BRD9: variants seen among roughly 807,000 people sequenced by gnomAD.
BRD9 encodes the protein bromodomain-containing protein 9.
BRD9 carries 47 observed loss-of-function variants against 68.7 expected under a neutral mutation model. The ratio of observed to expected loss-of-function variants is 0.68; its 90% confidence interval spans 0.54 to 0.87. The LOEUF (loss-of-function observed/expected upper bound fraction) is 0.87, where lower values mean the gene tolerates loss of function less well. BRD9 is among the 40% of genes least tolerant of loss of function. The probability of loss-of-function intolerance (pLI) is 0.00; values close to 1 mark genes in which losing one functional copy is unlikely to be tolerated. For missense variants in BRD9, 670 were observed against 748.4 expected, an observed-to-expected ratio of 0.90 and a Z score of 1.22; for synonymous variants, 313 against 293.9, an observed-to-expected ratio of 1.06 and a Z score of -0.67.
intron 14 of BRD9, chr5:869,530 C>T (rs1419912337): frequency 5.8e-6 from 2 of 345,836 alleles, no homozygotes; most frequent in Non-Finnish European, 1.1e-5. Flanking sequence ...TCTTCCTGAC[C>T]CAACAGAGAT....
At chr5:880,916 C>T (rs1362842093) in intron 9 of BRD9, among the ~76,000 whole-genome samples, 191 bp downstream of exon 9, 7 of 152,260 alleles carry the variant, frequency 4.6e-5, no homozygotes, top group African/African-American at 1.2e-4. Flanking sequence ...CCAGCACCCC[C>T]GCCCCGCGAG....
intron 11 of BRD9, among the ~76,000 whole-genome samples, chr5:877,695 A>G (rs1488323620): frequency 6.6e-6 from 1 of 152,204 alleles, no homozygotes; most frequent in Non-Finnish European, 1.5e-5. Context: ...CCATGGCCTG[A>G]ATTGTATCTC....
chr5:877,647 C>T (rs1751148803), intron 11 of BRD9, among the ~76,000 whole-genome samples: 1 of 152,286 alleles, frequency 6.6e-6, no homozygotes, highest in South Asian at 2.1e-4. Flanking sequence ...GAAAAGCAGG[C>T]TGCTACATTT....
chr5:871,492 T>C, intron 13 of BRD9, 34 bp downstream of exon 13: 2 of 1,603,436 alleles, frequency 1.2e-6, no homozygotes, highest in Non-Finnish European at 1.7e-6. Flanking sequence ...GTGAGAATAA[T>C]ATTTGGCTTG....
intron 14 of BRD9, among the ~76,000 whole-genome samples, chr5:867,880 G>A (rs1357700377): frequency 3.3e-5 from 5 of 152,222 alleles, no homozygotes; most frequent in African/African-American, 9.6e-5. Flanking sequence ...AGACTTTAGG[G>A]GACTGTTAGG....
At chr5:889,808 C>T (rs114548462) in intron 3 of BRD9, 161 bp from the exon 4 acceptor site, 70,269 of 1,444,792 alleles carry the variant, frequency 0.049, 1,897 homozygotes, top group African/African-American at 0.083. Context: ...TTGGCTCCCA[C>T]CAAGCTCAGC....
chr5:877,002 C>A (rs1009926509), intron 11 of BRD9, among the ~76,000 whole-genome samples: 1 of 152,256 alleles, frequency 6.6e-6, no homozygotes, highest in Non-Finnish European at 1.5e-5. Flanking sequence ...ATGCCAGGCC[C>A]TAGGAGATGT....
intron 2 of BRD9, 176 bp from the exon 3 acceptor site, chr5:891,463 A>C: frequency 7.6e-7 from 1 of 1,308,254 alleles, no homozygotes; most frequent in Non-Finnish European, 1.0e-6. Context: ...GCTGAGGAAC[A>C]GCACACCCAG....
chr5:889,111 T>C lies in BRD9; in HGVS notation c.516A>G (p.Gly172=), dbSNP rs779926204. 8 of 1,611,612 alleles carry C rather than the reference T, an allele frequency of 5.0e-6. No individual in the cohort carries two copies. Among genetic ancestry groups the C allele is most frequent in the Non-Finnish European group, 6.8e-6 (8 of 1,179,462 alleles). Residue 172 remains glycine (G), a synonymous_variant, in exon 5 of 16, where the codon GGA becomes GGG. Coordinates refer to ENST00000467963, the MANE Select transcript of BRD9 (RefSeq NM_023924.5). ...TGGGATGTTTTATTATCATTGAATATCCAGGAGCAATTGCATCCGTGACAG... is the reference window on the plus strand; with the variant it reads ...TGGGATGTTTTATTATCATTGAATACCCAGGAGCAATTGCATCCGTGACAG... ...AFPVTDAIAP[G]YSMIIKHPMD... is the part of the protein sequence containing the mutation.
At chr5:872,923 G>A (rs1323551415) in intron 12 of BRD9, among the ~76,000 whole-genome samples, 1 of 152,210 alleles carries the variant, frequency 6.6e-6, no homozygotes, top group Non-Finnish European at 1.5e-5. Context: ...CTACCACTCT[G>A]GGAGGCTGAG....
Position 889,067 on chromosome 5 carries a change from T to C in BRD9, c.560A>G (p.Lys187Arg). 1 of 1,610,704 alleles carries C rather than the reference T, an allele frequency of 6.2e-7. No individual in the cohort carries two copies. Among genetic ancestry groups the C allele is most frequent in the Non-Finnish European group, 8.5e-7 (1 of 1,179,238 alleles). The change falls in exon 5 of 16, where the codon AAA (lysine) becomes AGA (arginine). Residue 187 changes from lysine to arginine, a missense_variant. Coordinates refer to ENST00000467963, the MANE Select transcript of BRD9 (RefSeq NM_023924.5). ...IKHPMDFGTM[K>R]DKIVANEYKS... ...GTATTCATTAGCTACAATTTTGTCT[T>C]TCATGGTGCCAAAATCCATGGGATG...
Position 876,915 on chromosome 5 carries a change from C to A in BRD9, c.1272-703G>T, listed in dbSNP as rs141391956. Among the ~76,000 whole-genome samples, 472 of 152,312 alleles carry A rather than the reference C, an allele frequency of 3.1e-3. 2 individuals are homozygous for A. The highest frequency in any genetic ancestry group is 5.0e-3 in the Non-Finnish European group (341 of 68,034). Reference sequence around the variant, plus strand: ...GACAGGCCAAGCTCGGCACTCGCAGCGTGCACGGAAGCAGCACTCAGGGGC... The same window carrying A: ...GACAGGCCAAGCTCGGCACTCGCAGAGTGCACGGAAGCAGCACTCAGGGGC... On this transcript the variant is annotated intron_variant, in intron 11 of 15. Coordinates refer to ENST00000467963, the MANE Select transcript of BRD9 (RefSeq NM_023924.5).
chr5:887,318 G>T (rs768872205), intron 6 of BRD9, 43 bp downstream of exon 6: 6 of 1,515,102 alleles, frequency 4.0e-6, no homozygotes, highest in African/African-American at 1.4e-5. Flanking sequence ...GGGGGGCAGA[G>T]CCCCTGCTTT....
chr5:865,414 C>G lies in BRD9; in HGVS notation c.1693G>C (p.Gly565Arg). The G allele has an allele frequency of 6.4e-7, 1 of 1,571,474 alleles. No individual in the cohort carries two copies. Among genetic ancestry groups the G allele is most frequent in the Non-Finnish European group, 8.7e-7 (1 of 1,154,832 alleles). ...TGCGGCGTGGGTGGGGGCATCTCAC[C>G]CAGGTGGTGCTGGTCCCTCTCGGAG... ...NASERDQHHLGSPSRLSVGEQ... is the reference protein window; with the variant it reads ...NASERDQHHLRSPSRLSVGEQ... The change falls in exon 15 of 16, where the codon GGA becomes CGA. Residue 565 changes from glycine (G) to arginine (R), a missense_variant and splice_region_variant. Gly to Arg is a moderately radical substitution (Grantham distance 125, BLOSUM62 -2). Transcript: ENST00000467963.
chr5:892,388 C>G (rs905654691), intron 1 of BRD9: 3 of 1,145,462 alleles, frequency 2.6e-6, no homozygotes, highest in Non-Finnish European at 3.5e-6. Context: ...AGCCTCGAAC[C>G]CAGAACCCTC....
intron 14 of BRD9, among the ~76,000 whole-genome samples, chr5:869,892 C>T (rs970842253): frequency 6.6e-6 from 1 of 152,210 alleles, no homozygotes; most frequent in Non-Finnish European, 1.5e-5. Flanking sequence ...CAGTCCTCCT[C>T]GGCAAATGTT....
rs73733952 is a variant in BRD9 at position 882,999 on chromosome 5, G to A, written c.966+939C>T. ...CGCAGACCACAACCTCCCAACACACGGGCCACACAGACTGCAACCTCCCAA... is the reference window on the plus strand; with the variant it reads ...CGCAGACCACAACCTCCCAACACACAGGCCACACAGACTGCAACCTCCCAA... On this transcript the variant is annotated intron_variant, in intron 8 of 15. Coordinates refer to ENST00000467963, the MANE Select transcript of BRD9 (RefSeq NM_023924.5). The A allele has an allele frequency of 2.2e-3, 640 of 290,958 alleles. 7 individuals carry two copies. The highest frequency in any genetic ancestry group is 7.6e-3 in the African/African-American group (307 of 40,532). 18.0% of individuals were successfully genotyped at this position (290,958 alleles called of 1,614,324 possible).
chr5:886,358 G>T (rs1416048599), intron 7 of BRD9, among the ~76,000 whole-genome samples: 3 of 152,200 alleles, frequency 2.0e-5, no homozygotes, highest in Non-Finnish European at 4.4e-5. Context: ...AGCAGTTGGG[G>T]GCAGGGGTGA....
At chr5:890,508 G>T (rs1753201263) in intron 3 of BRD9, among the ~76,000 whole-genome samples, 1 of 152,184 alleles carries the variant, frequency 6.6e-6, no homozygotes, top group South Asian at 2.1e-4. Context: ...AACTCAGAGG[G>T]CAAGTCCTTG....
Sources: gnomAD v4.1 joint callset for allele counts (sites outside exome capture counted in the v4.1 genomes callset) on GRCh38, gnomAD v4.1.1 for gene constraint, MANE v1.5 for transcripts, NCBI Gene and HGNC (gene_info 2026-07-23, HGNC 2026-07-21) for gene names.